The following CTSZ variants were observed in gnomAD, a reference collection of about 807,000 sequenced individuals.
The protein encoded by CTSZ is cathepsin Z.
A neutral mutation model predicts 32.4 loss-of-function variants in CTSZ; 39 were observed. The ratio of observed to expected loss-of-function variants is 1.20; its 90% confidence interval spans 0.93 to 1.57. CTSZ has a LOEUF of 1.57. Among genes scored for constraint, CTSZ ranks in the 40% most tolerant of loss-of-function variants. The pLI is 0.00. For missense variants in CTSZ, 397 were observed against 419.6 expected, an observed-to-expected ratio of 0.95 and a Z score of 0.47; for synonymous variants, 168 against 170.1, an observed-to-expected ratio of 0.99 and a Z score of 0.10.
intron 2 of CTSZ, 161 bp downstream of exon 2, chr20:59,006,161 G>T: frequency 1.1e-6 from 1 of 918,368 alleles, no homozygotes; most frequent in Non-Finnish European, 1.6e-6. Context: ...GGTCACCTCA[G>T]CAGAGGGCAA....
chr20:58,998,552 A>AAAAAAAAAAAGAAAGAAAGAAAG (rs368429073), intron 3 of CTSZ, among the ~76,000 whole-genome samples: 13 of 145,352 alleles, frequency 8.9e-5, no homozygotes, highest in African/African-American at 2.8e-4. Flanking sequence ...GTCTCAAAAA[A>AAAAAAAAAAAGAAAGAAAGAAAG]AAAGAAAGAA....
rs1019217015 is a variant in CTSZ, at chr20:59,007,065, G to A, written c.64C>T (p.Gln22Ter). The stretch of plus-strand genomic sequence containing the variant: ...CCCCGGCGGAAGTAGAGGCCGCCCT[G>A]CGCCGCGCCCGCCAGCAGCACGAGC... The part of the protein sequence containing the change: ...LLLVLLAGAA[Q>*]GGLYFRRGQT... Residue 22 changes from glutamine (Q) to a stop codon, truncating the protein, a stop_gained, in exon 1 of 6, where the codon CAG (glutamine) becomes TAG (stop). Coordinates refer to ENST00000217131, the MANE Select transcript of CTSZ (RefSeq NM_001336.4). LOFTEE classifies it high-confidence loss of function. 4 of 1,463,614 alleles carry A rather than the reference G, an allele frequency of 2.7e-6. No homozygotes were observed. Among genetic ancestry groups the A allele is most frequent in the African/African-American group, 2.9e-5 (2 of 67,944 alleles). 90.7% of individuals were successfully genotyped at this position (1,463,614 alleles called of 1,614,324 possible).
intron 4 of CTSZ, 156 bp downstream of exon 4, chr20:58,997,447 G>C (rs560944823): frequency 3.8e-4 from 229 of 609,330 alleles, no homozygotes; most frequent in Non-Finnish European, 5.4e-4. Context: ...CGGCCAGAAG[G>C]AAAGTGGCGA....
chr20:58,997,799 A>G, intron 3 of CTSZ, 46 bp from the exon 4 acceptor site: 1 of 1,516,652 alleles, frequency 6.6e-7, no homozygotes, highest in Non-Finnish European at 8.9e-7. Flanking sequence ...CTCCTCATCA[A>G]CCCACTGACA....
rs2091853123 is a variant in CTSZ, at chr20:58,995,468, C to G, written c.*181G>C. 1 of 582,768 alleles carries G rather than the reference C, an allele frequency of 1.7e-6. No individual in the cohort carries two copies. The highest frequency in any genetic ancestry group is 3.1e-6 in the Non-Finnish European group (1 of 327,404). The allele number at this position is 582,768 out of a possible 1,614,324, so 36.1% of individuals were successfully genotyped here. A position where few individuals can be genotyped will look rare whatever the true frequency, so the allele number is the denominator to read the frequency against. On this transcript the variant is annotated 3_prime_UTR_variant, in exon 6 of 6. Coordinates refer to ENST00000217131, the MANE Select transcript of CTSZ (RefSeq NM_001336.4). The stretch of plus-strand genomic sequence containing the variant: ...AGGCAGAGCCATGCTGTGCAAGTGT[C>G]ATAAGTCATCCCACTTTCAACTCTC...
chr20:59,005,896 T>G (rs1366254188), intron 2 of CTSZ: 1 of 165,650 alleles, frequency 6.0e-6, no homozygotes, highest in African/African-American at 2.4e-5. Context: ...AGTGACCAGG[T>G]TAGGCCATGG....
At chr20:58,997,836 C>A in intron 3 of CTSZ, 83 bp from the exon 4 acceptor site, 1 of 1,293,802 alleles carries the variant, frequency 7.7e-7, no homozygotes, top group Non-Finnish European at 1.1e-6. Flanking sequence ...CCACTCTCCA[C>A]TCTCATCATG....
At position 58,997,662 on chromosome 20, in the gene CTSZ, G is replaced by A. The variant is rs753359377; in HGVS notation, c.579C>T (p.Tyr193=). ...RNYTLWRVGD[Y]GSLSGREKMM... is the part of the protein sequence containing the mutation. ...TCTTCTCCCTCCCAGAGAGGGAGCC[G>A]TAGTCTCCCACCCTCCAGAGGGTGT... Residue 193 remains tyrosine, a synonymous_variant, in exon 4 of 6, where the codon TAC becomes TAT. Coordinates refer to ENST00000217131, the MANE Select transcript of CTSZ (RefSeq NM_001336.4). 9.3e-6 allele frequency: 15 copies of A among 1,608,656 alleles called. No homozygotes were observed. The highest frequency in any genetic ancestry group is 3.3e-5 in the South Asian group (3 of 89,742).
chr20:58,995,499 C>T lies in CTSZ; in HGVS notation c.*150G>A. The T allele has an allele frequency of 1.4e-5, 9 of 631,952 alleles. No individual in the cohort carries two copies. The South Asian group carries it at 1.8e-4, about 13-fold the overall frequency. 39.1% of individuals were successfully genotyped at this position (631,952 alleles called of 1,614,324 possible). On this transcript the variant is annotated 3_prime_UTR_variant, in exon 6 of 6. Transcript: ENST00000217131. ...TCATCCCACTTTCAACTCTCAGGAA[C>T]ACTCGCAGCCAGTGCCACGCTGTCC... is the stretch of plus-strand genomic sequence containing the variant.
At position 59,006,360 on chromosome 20, in the gene CTSZ, C is replaced by A; in HGVS notation, c.269G>T (p.Gly90Val). The A allele has an allele frequency of 6.2e-7, 1 of 1,613,632 alleles. No homozygotes were observed. Among genetic ancestry groups the A allele is most frequent in the Non-Finnish European group, 8.5e-7 (1 of 1,179,918 alleles). The stretch of plus-strand genomic sequence containing the variant: ...GGTGCTGGCGTGGGCCCAGCAGGAG[C>A]CGCAGTATTGGGGGATGTGCTGGTT... The part of the protein sequence containing the change: ...TRNQHIPQYC[G>V]SCWAHASTSA... Residue 90 changes from glycine (G) to valine (V), a missense_variant, in exon 2 of 6, where the codon GGC becomes GTC. Coordinates refer to ENST00000217131, the MANE Select transcript of CTSZ (RefSeq NM_001336.4).
intron 3 of CTSZ, among the ~76,000 whole-genome samples, chr20:58,998,199 C>G (rs1454215116): frequency 6.9e-6 from 1 of 144,172 alleles, no homozygotes; most frequent in Non-Finnish European, 1.5e-5. Context: ...CTGAGGGGAC[C>G]AAAAAAAAAA....
At position 58,995,717 on chromosome 20, in the gene CTSZ, C is replaced by T. The variant is rs931925541; in HGVS notation, c.844G>A (p.Asp282Asn). Residue 282 changes from aspartate to asparagine, a missense_variant, in exon 6 of 6, where the codon GAT becomes AAT. Asp to Asn is a conservative substitution (Grantham distance 23). Coordinates refer to ENST00000217131, the MANE Select transcript of CTSZ (RefSeq NM_001336.4). Reference sequence around the variant, plus strand: ...AGGTTGTATCTGGCGCCCTTCCCATCCTTATAGGTGCTGGTCACGATCCTC... The same window carrying T: ...AGGTTGTATCTGGCGCCCTTCCCATTCTTATAGGTGCTGGTCACGATCCTC... ...WLRIVTSTYKDGKGARYNLAI... is the reference protein window; with the variant it reads ...WLRIVTSTYKNGKGARYNLAI... 2.5e-6 allele frequency: 4 copies of T among 1,614,162 alleles called. No individual in the cohort carries two copies. The highest frequency in any genetic ancestry group is 2.2e-5 in the East Asian group (1 of 44,876).
At chr20:59,006,558 A>G (rs2091909524) in intron 1 of CTSZ, 73 bp from the exon 2 acceptor site, 1 of 1,491,296 alleles carries the variant, frequency 6.7e-7, no homozygotes, top group Non-Finnish European at 9.1e-7. Context: ...AGCCCTCGGT[A>G]GGGCCCTCCC....
chr20:59,000,001 G>A (rs112171233), intron 3 of CTSZ, among the ~76,000 whole-genome samples: 5 of 151,864 alleles, frequency 3.3e-5, no homozygotes, highest in South Asian at 2.1e-4. Context: ...CCCGGGAGGC[G>A]GAGCTTGCAG....
chr20:58,996,569 C>T (rs900481339), intron 5 of CTSZ, 70 bp downstream of exon 5: 1 of 1,515,968 alleles, frequency 6.6e-7, no homozygotes, highest in Admixed American at 1.7e-5. Flanking sequence ...GTAAACAGAA[C>T]CATTCAAGCG....
chr20:59,007,010 T>C lies in CTSZ; in HGVS notation c.119A>G (p.Asp40Gly). ...GQTCYRPLRG[D>G]GLAPLGRSTY... Reference sequence around the variant, plus strand: ...CCTGCGCCCCAGCGGAGCCAGCCCGTCCCCCCGCAGAGGCCGGTAGCAGGT... The same window carrying C: ...CCTGCGCCCCAGCGGAGCCAGCCCGCCCCCCCGCAGAGGCCGGTAGCAGGT... Residue 40 changes from aspartate to glycine, a missense_variant, in exon 1 of 6, where the codon GAC becomes GGC. Asp to Gly is a moderately conservative substitution (Grantham distance 94, BLOSUM62 -1). Coordinates refer to ENST00000217131, the MANE Select transcript of CTSZ (RefSeq NM_001336.4). 2.7e-6 allele frequency: 4 copies of C among 1,468,190 alleles called. No homozygotes were observed. Among genetic ancestry groups the C allele is most frequent in the South Asian group, 1.3e-5 (1 of 77,274 alleles). The allele number at this position is 1,468,190 out of a possible 1,614,324, so 90.9% of individuals were successfully genotyped here.
rs2091912915 is a variant in CTSZ at position 59,007,190 on chromosome 20, G to C, written c.-62C>G. On this transcript the variant is annotated 5_prime_UTR_variant, in exon 1 of 6. Coordinates refer to ENST00000217131, the MANE Select transcript of CTSZ (RefSeq NM_001336.4). Reference sequence around the variant, plus strand: ...CGCTCCGAGTCCCAGATCCCGCGCCGGCTCCCGCTCTGGATCCCGCCCCGG... The same window carrying C: ...CGCTCCGAGTCCCAGATCCCGCGCCCGCTCCCGCTCTGGATCCCGCCCCGG... 1 of 1,292,410 alleles carries C rather than the reference G, an allele frequency of 7.7e-7. No homozygotes were observed. The highest frequency in any genetic ancestry group is 2.4e-5 in the South Asian group (1 of 41,870). 80.1% of individuals were successfully genotyped at this position (1,292,410 alleles called of 1,614,324 possible).
intron 5 of CTSZ, 114 bp from the exon 6 acceptor site, chr20:58,995,873 G>T (rs552691341): frequency 2.4e-6 from 2 of 845,746 alleles, no homozygotes; most frequent in Admixed American, 2.1e-5. Flanking sequence ...CAGCCTTGGG[G>T]GATCCAGACA....
rs1293990816 is a variant in CTSZ, at chr20:58,995,656, A to T, written c.905T>A (p.Ile302Asn). 1.9e-6 allele frequency: 3 copies of T among 1,614,024 alleles called. No homozygotes were observed. Among genetic ancestry groups the T allele is most frequent in the South Asian group, 2.2e-5 (2 of 91,062 alleles). Residue 302 changes from isoleucine to asparagine, a missense_variant, in exon 6 of 6, where the codon ATC (isoleucine) becomes AAC (asparagine). By Grantham distance (149) the Ile-to-Asn change is moderately radical. Transcript: ENST00000217131. ...IEEHCTFGDP[I>N]V ...GCTTCTAGTGACATGGCCTTAAACG[A>T]TGGGGTCCCCAAATGTACAGTGCTC...
Sources: gnomAD v4.1 joint callset for allele counts (sites outside exome capture counted in the v4.1 genomes callset) on GRCh38, gnomAD v4.1.1 for gene constraint, MANE v1.5 for transcripts, NCBI Gene and HGNC (gene_info 2026-07-23, HGNC 2026-07-21) for gene names.